The following KCNT2 variants were observed in gnomAD, a reference collection of about 807,000 sequenced individuals.
The protein encoded by KCNT2 is potassium channel subfamily T member 2.
Under a neutral mutation model 153.8 loss-of-function variants are expected in KCNT2, and 67 were observed. That is an observed-to-expected ratio of 0.44 (90% CI 0.36 to 0.53). The LOEUF (loss-of-function observed/expected upper bound fraction) is 0.53. Among genes scored for constraint, KCNT2 ranks in the 20% least tolerant of loss-of-function variants. KCNT2 has a pLI of 0.00. For missense variants in KCNT2, 975 were observed against 1,354.8 expected, an observed-to-expected ratio of 0.72 and a Z score of 4.40; for synonymous variants, 500 against 458.8, an observed-to-expected ratio of 1.09 and a Z score of -1.15.
rs1008776136 is a variant in KCNT2 at position 196,320,909 on chromosome 1, C to T, written c.2277-1354G>A. On this transcript the variant is annotated intron_variant, in intron 19 of 27. Transcript: ENST00000294725. ...TTTTTCTGTGAAATACTGCAGTTAT[C>T]AGTTCTTTGCAGTACCTTGCTATCG... Among the ~76,000 whole-genome samples the T allele has an allele frequency of 4.0e-5, 6 of 150,970 alleles. No homozygotes were observed. In the South Asian group the frequency reaches 1.0e-3, roughly 26 times the overall value.
intron 1 of KCNT2, among the ~76,000 whole-genome samples, chr1:196,512,812 A>T (rs1681743681): frequency 6.6e-6 from 1 of 152,164 alleles, no homozygotes; most frequent in African/African-American, 2.4e-5. Context: ...TTATCAATCT[A>T]CAAAAATAGC....
chr1:196,571,261 C>G (rs552234626), intron 1 of KCNT2, among the ~76,000 whole-genome samples: 2 of 152,076 alleles, frequency 1.3e-5, no homozygotes, highest in East Asian at 3.9e-4. Context: ...GCTTAGGGGT[C>G]CATTTACAGT....
chr1:196,473,010 CTT>C (rs1183921644), intron 5 of KCNT2, among the ~76,000 whole-genome samples: 1 of 152,188 alleles, frequency 6.6e-6, no homozygotes, highest in Non-Finnish European at 1.5e-5. Context: ...TCATTTGTCT[CTT>C]GTTGACTTCT....
At chr1:196,295,663 C>G (rs1168122382) in intron 22 of KCNT2, among the ~76,000 whole-genome samples, 1 of 151,806 alleles carries the variant, frequency 6.6e-6, no homozygotes, top group African/African-American at 2.4e-5. Context: ...AGTGTAAAAA[C>G]TAGGTTTTGA....
At chr1:196,549,523 G>A (rs763002974) in intron 1 of KCNT2, among the ~76,000 whole-genome samples, 19 of 151,500 alleles carry the variant, frequency 1.3e-4, no homozygotes, top group African/African-American at 3.4e-4. Context: ...ATCTCTGGTC[G>A]GCTTGTGACT....
chr1:196,325,891 C>T (rs927901948), intron 19 of KCNT2, among the ~76,000 whole-genome samples: 1 of 152,040 alleles, frequency 6.6e-6, no homozygotes, highest in African/African-American at 2.4e-5. Flanking sequence ...GCAGATGTCT[C>T]TCTTATGAAA....
intron 1 of KCNT2, among the ~76,000 whole-genome samples, chr1:196,541,731 T>G (rs1656399292): frequency 6.6e-6 from 1 of 152,136 alleles, no homozygotes; most frequent in Admixed American, 6.5e-5. Context: ...AAAGACTCAG[T>G]TTTTGATTGC....
chr1:196,522,608 C>T (rs751370724), intron 1 of KCNT2, among the ~76,000 whole-genome samples: 26 of 152,126 alleles, frequency 1.7e-4, no homozygotes, highest in Non-Finnish European at 2.5e-4. Flanking sequence ...CTTCCTGGGT[C>T]GAGTGGGGAC....
At chr1:196,439,890 T>G (rs1183755552) in intron 8 of KCNT2, among the ~76,000 whole-genome samples, 1 of 151,634 alleles carries the variant, frequency 6.6e-6, no homozygotes, top group Admixed American at 6.6e-5. Flanking sequence ...GGCCTGTCGG[T>G]GGGTGTGGGT....
At chr1:196,412,093 A>G (rs1672387202) in intron 12 of KCNT2, among the ~76,000 whole-genome samples, 1 of 151,786 alleles carries the variant, frequency 6.6e-6, no homozygotes. Flanking sequence ...ATAAATAATG[A>G]GCTTAATGAT....
Position 196,575,940 on chromosome 1 carries a change from T to C in KCNT2, c.95+32275A>G, listed in dbSNP as rs1311826764. On this transcript the variant is annotated intron_variant, in intron 1 of 27. Coordinates refer to ENST00000294725, the MANE Select transcript of KCNT2 (RefSeq NM_198503.5). ...TTGCAGTGAGCCATGGTCATGCCACTGCACTCCAGCCCAGGCAACAGAGTG... is the reference window on the plus strand; with the variant it reads ...TTGCAGTGAGCCATGGTCATGCCACCGCACTCCAGCCCAGGCAACAGAGTG... Among the ~76,000 whole-genome samples the C allele has an allele frequency of 6.3e-5, 9 of 143,994 alleles. No individual in the cohort carries two copies. The Admixed American group carries it at 6.5e-4, about 10-fold the overall frequency. 94.5% of individuals were successfully genotyped at this position (143,994 alleles called of 152,430 possible). A position where few individuals can be genotyped will look rare whatever the true frequency, so the allele number is the denominator to read the frequency against.
intron 8 of KCNT2, among the ~76,000 whole-genome samples, chr1:196,445,578 G>A (rs1382571065): frequency 3.3e-5 from 5 of 151,362 alleles, no homozygotes; most frequent in African/African-American, 1.2e-4. Flanking sequence ...AATTCTTAAA[G>A]TGTAATATTA....
chr1:196,389,158 A>G (rs79436252), intron 13 of KCNT2, among the ~76,000 whole-genome samples: 2,646 of 151,816 alleles, frequency 0.017, 39 homozygotes, highest in Non-Finnish European at 0.028. Context: ...TAAATGTTAT[A>G]TGACTATTGT....
At chr1:196,498,768 C>A (rs1680450796) in intron 1 of KCNT2, among the ~76,000 whole-genome samples, 1 of 152,110 alleles carries the variant, frequency 6.6e-6, no homozygotes, top group Non-Finnish European at 1.5e-5. Flanking sequence ...AGCATACTGC[C>A]AAGGTTATCT....
chr1:196,307,646 A>G (rs542245833), intron 21 of KCNT2, among the ~76,000 whole-genome samples: 42 of 152,258 alleles, frequency 2.8e-4, no homozygotes, highest in Non-Finnish European at 5.7e-4. Flanking sequence ...ATCTTGATGA[A>G]GAGGGCACTG....
At chr1:196,535,057 C>A (rs1328192956) in intron 1 of KCNT2, among the ~76,000 whole-genome samples, 1 of 152,138 alleles carries the variant, frequency 6.6e-6, no homozygotes, top group Admixed American at 6.6e-5. Flanking sequence ...TTAATGTGAA[C>A]AAAGTCACTA....
chr1:196,326,299 T>C (rs1359580216), intron 19 of KCNT2, among the ~76,000 whole-genome samples: 2 of 152,064 alleles, frequency 1.3e-5, no homozygotes, highest in East Asian at 3.9e-4. Context: ...CTTTGTGTTA[T>C]AACATATAAA....
chr1:196,595,216 T>C (rs1056524507), intron 1 of KCNT2, among the ~76,000 whole-genome samples: 12 of 152,090 alleles, frequency 7.9e-5, no homozygotes, highest in Non-Finnish European at 1.0e-4. Flanking sequence ...CTACTGTAAG[T>C]TTTTGAAATG....
chr1:196,370,803 C>A (rs1668459953), intron 14 of KCNT2, among the ~76,000 whole-genome samples: 2 of 152,076 alleles, frequency 1.3e-5, no homozygotes, highest in South Asian at 4.1e-4. Context: ...CCCAAATACC[C>A]ACCAACTGAT....
Sources: gnomAD v4.1 joint callset for allele counts (sites outside exome capture counted in the v4.1 genomes callset) on GRCh38, gnomAD v4.1.1 for gene constraint, MANE v1.5 for transcripts, NCBI Gene and HGNC (gene_info 2026-07-23, HGNC 2026-07-21) for gene names.